The following LPO variants were observed in gnomAD, a reference collection of about 807,000 sequenced individuals.
The protein encoded by LPO is salivary peroxidase.
A neutral mutation model predicts 68.4 loss-of-function variants in LPO; 70 were observed. The observed-to-expected ratio is 1.02, with a 90% CI of 0.84 to 1.25. The LOEUF (loss-of-function observed/expected upper bound fraction) is 1.25, where lower values mean the gene tolerates loss of function less well. Among genes scored for constraint, LPO ranks in the 50% most tolerant of loss-of-function variants. LPO has a pLI of 0.00. For synonymous variants in LPO, 360 were observed against 357.6 expected, an observed-to-expected ratio of 1.01 and a Z score of -0.08; for missense variants, 873 against 908.4, an observed-to-expected ratio of 0.96 and a Z score of 0.50.
At position 58,250,554 on chromosome 17, in the gene LPO, G is replaced by A. The variant is rs200488811; in HGVS notation, c.713G>A (p.Ser238Asn). ...TTTGCCCCTGACACCGAGCTGGGGAGTAGCGAGTACTCCAAAGCCCAGTGT... is the reference window on the plus strand; with the variant it reads ...TTTGCCCCTGACACCGAGCTGGGGAATAGCGAGTACTCCAAAGCCCAGTGT... ...LDFAPDTELGSSEYSKAQCDE... is the reference protein window; with the variant it reads ...LDFAPDTELGNSEYSKAQCDE... The change falls in exon 7 of 13, where the codon AGT (serine) becomes AAT (asparagine). Residue 238 changes from serine (S) to asparagine (N), a missense_variant. Physicochemically the swap from Ser to Asn is conservative, Grantham distance 46. Coordinates refer to ENST00000262290, the MANE Select transcript of LPO (RefSeq NM_006151.3). 2.7e-4 allele frequency: 435 copies of A among 1,614,042 alleles called. No homozygotes were observed. Among genetic ancestry groups the A allele is most frequent in the Non-Finnish European group, 3.5e-4 (415 of 1,180,050 alleles).
intron 9 of LPO, among the ~76,000 whole-genome samples, chr17:58,256,826 CAAAAAAA>C (rs969464308): frequency 6.3e-4 from 47 of 74,572 alleles, no homozygotes; most frequent in African/African-American, 1.8e-3. Context: ...GACTCCCTTT[CAAAAAAA>C]AAAAAAAAAA....
chr17:58,246,227 A>T (rs1238893009), intron 3 of LPO, among the ~76,000 whole-genome samples: 1 of 152,162 alleles, frequency 6.6e-6, no homozygotes, highest in Non-Finnish European at 1.5e-5. Context: ...AAGGAAGGCC[A>T]GTGGAGGCAG....
intron 9 of LPO, among the ~76,000 whole-genome samples, chr17:58,263,754 T>G (rs1469472587): frequency 1.3e-5 from 2 of 152,014 alleles, no homozygotes; most frequent in Non-Finnish European, 2.9e-5. Context: ...AAAAAGCACT[T>G]CATTTTAGCA....
intron 1 of LPO, among the ~76,000 whole-genome samples, chr17:58,242,280 T>C (rs773447836): frequency 2.0e-5 from 3 of 152,228 alleles, no homozygotes; most frequent in Non-Finnish European, 4.4e-5. Flanking sequence ...GGTTAATCCA[T>C]GAGCTGGAAT....
intron 1 of LPO, 49 bp from the exon 2 acceptor site, chr17:58,242,929 C>A: frequency 1.3e-6 from 2 of 1,530,396 alleles, no homozygotes; most frequent in South Asian, 1.1e-5. Flanking sequence ...CAAACCCTCC[C>A]ACTTGGTCTC....
chr17:58,268,041 T>G lies in LPO; in HGVS notation c.*47T>G, dbSNP rs906412497. On this transcript the variant is annotated 3_prime_UTR_variant, in exon 13 of 13. Transcript: ENST00000262290. ...GTTCCCTTTGGTCCACAGGGCCATTTCAAGCAAGTTCAATGACCTGGTCCC... is the reference window on the plus strand; with the variant it reads ...GTTCCCTTTGGTCCACAGGGCCATTGCAAGCAAGTTCAATGACCTGGTCCC... The G allele has an allele frequency of 1.9e-6, 3 of 1,577,866 alleles. No individual in the cohort carries two copies. Among genetic ancestry groups the G allele is most frequent in the Non-Finnish European group, 2.6e-6 (3 of 1,150,526 alleles).
At chr17:58,239,879 T>A (rs1969722575) in intron 1 of LPO, among the ~76,000 whole-genome samples, 1 of 152,200 alleles carries the variant, frequency 6.6e-6, no homozygotes. Flanking sequence ...CGAGGGACTA[T>A]CTCTGCCCTC....
chr17:58,268,372 C>A lies in LPO; in HGVS notation c.*378C>A. The A allele has an allele frequency of 3.6e-6, 1 of 281,198 alleles. No homozygotes were observed. Among genetic ancestry groups the A allele is most frequent in the Non-Finnish European group, 6.9e-6 (1 of 144,936 alleles). 17.4% of individuals were successfully genotyped at this position (281,198 alleles called of 1,614,324 possible). On this transcript the variant is annotated 3_prime_UTR_variant, in exon 13 of 13. Transcript: ENST00000262290. ...GGACTTCAGCCTGCCTCCGAGGGTC[C>A]CCTGTGGCACCTAGCATGGTGCACA...
At chr17:58,253,063 A>G (rs1232098567) in intron 8 of LPO, among the ~76,000 whole-genome samples, 1 of 151,458 alleles carries the variant, frequency 6.6e-6, no homozygotes, top group Non-Finnish European at 1.5e-5. Flanking sequence ...GAAAGAAAGA[A>G]AAGAAAAGAA....
At chr17:58,257,891 G>T (rs1970100907) in intron 9 of LPO, among the ~76,000 whole-genome samples, 1 of 152,188 alleles carries the variant, frequency 6.6e-6, no homozygotes, top group South Asian at 2.1e-4. Context: ...GATCAATGAT[G>T]TTGAGCACCT....
At chr17:58,247,081 A>C (rs1969863720) in intron 3 of LPO, among the ~76,000 whole-genome samples, 1 of 152,138 alleles carries the variant, frequency 6.6e-6, no homozygotes, top group East Asian at 1.9e-4. Context: ...AGGGGAAGTC[A>C]CTCAGAGGTC....
chr17:58,250,384 A>G, intron 6 of LPO, 31 bp from the exon 7 acceptor site: 2 of 1,580,690 alleles, frequency 1.3e-6, no homozygotes, highest in Non-Finnish European at 1.7e-6. Flanking sequence ...TTTTCCTCTA[A>G]TCTGCCCTCC....
At chr17:58,254,035 C>T (rs1266066231) in intron 8 of LPO, among the ~76,000 whole-genome samples, 2 of 151,978 alleles carry the variant, frequency 1.3e-5, no homozygotes, top group African/African-American at 4.8e-5. Flanking sequence ...TCACTTGAGC[C>T]CACGAGGTTG....
intron 9 of LPO, among the ~76,000 whole-genome samples, chr17:58,264,322 C>T (rs939448711): frequency 6.6e-6 from 1 of 152,158 alleles, no homozygotes; most frequent in African/African-American, 2.4e-5. Context: ...ATTGGATGAA[C>T]TTTCCTCAGT....
chr17:58,251,758 T>C (rs2143909856), intron 7 of LPO: 1 of 461,282 alleles, frequency 2.2e-6, no homozygotes, highest in Non-Finnish European at 4.4e-6. Flanking sequence ...TTGTCCACCT[T>C]ACAGGGTTTT....
At chr17:58,254,125 GATGATAGATATATAGATAT>G (rs919245638) in intron 8 of LPO, among the ~76,000 whole-genome samples, 1 of 115,710 alleles carries the variant, frequency 8.6e-6, no homozygotes, top group Non-Finnish European at 1.8e-5. Context: ...ATAGATAGAT[GATGATAGATATATAGATAT>G]ATAGATATAT....
rs67390833 is a variant in LPO at position 58,244,090 on chromosome 17, G to GACACAC, written c.164+46_164+51dup. On this transcript the variant is annotated intron_variant, in intron 3 of 12. Transcript: ENST00000262290. ...CTGGACTCCCGAACCAGGTACGTGA[G>GACACAC]ACACACACACACACACACACACACA... 0.011 allele frequency: 11,664 copies of GACACAC among 1,059,116 alleles called. 55 individuals carry two copies. The highest frequency in any genetic ancestry group is 0.017 in the African/African-American group (1,012 of 58,418). 65.6% of individuals were successfully genotyped at this position (1,059,116 alleles called of 1,614,324 possible). A position where few individuals can be genotyped will look rare whatever the true frequency, so the allele number is the denominator to read the frequency against.
chr17:58,249,733 A>T (rs1022724266), intron 6 of LPO, 38 bp downstream of exon 6: 5 of 1,532,490 alleles, frequency 3.3e-6, no homozygotes, highest in Non-Finnish European at 4.4e-6. Context: ...GATGGGAGCC[A>T]GAGGGGACGG....
intron 1 of LPO, among the ~76,000 whole-genome samples, chr17:58,240,839 C>G (rs569195417): frequency 3.3e-5 from 5 of 152,118 alleles, no homozygotes; most frequent in Non-Finnish European, 7.4e-5. Context: ...TATTAGGAAA[C>G]GCATTAGTCA....
Sources: allele counts gnomAD v4.1 joint callset (sites outside exome capture counted in the v4.1 genomes callset), GRCh38; gene constraint gnomAD v4.1.1; transcripts MANE v1.5; gene names NCBI Gene and HGNC (gene_info 2026-07-23, HGNC 2026-07-21).